Variants in PPP2R2D observed in about 807,000 individuals in gnomAD.
PPP2R2D encodes the protein serine/threonine-protein phosphatase 2A 55 kDa regulatory subunit B delta isoform.
PPP2R2D carries 9 observed loss-of-function variants against 31.1 expected under a neutral mutation model. The ratio of observed to expected loss-of-function variants is 0.29; its 90% CI spans 0.17 to 0.51. The LOEUF (loss-of-function observed/expected upper bound fraction) is 0.51, where lower values mean the gene tolerates loss of function less well. Ranked by LOEUF, PPP2R2D falls within the 20% of genes least tolerant of loss-of-function variation. The pLI, the probability that PPP2R2D is intolerant of heterozygous loss-of-function variation, is 0.98. For synonymous variants in PPP2R2D, 179 were observed against 172.6 expected (o/e 1.04, Z -0.29); for missense variants, 391 against 465.6 (o/e 0.84, Z 1.48).
chr10:131,960,432 A>G (rs191457175), downstream of PPP2R2D, among the ~76,000 whole-genome samples: 792 of 152,338 alleles, frequency 5.2e-3, 1 homozygote, highest in South Asian at 0.016. Flanking sequence ...TTTTGAAAGA[A>G]AAATGGAGCT....
At chr10:131,944,325 C>A (rs1312146412) in intron 6 of PPP2R2D, among the ~76,000 whole-genome samples, 180 bp downstream of exon 6, 1 of 152,152 alleles carries the variant, frequency 6.6e-6, no homozygotes, top group African/African-American at 2.4e-5. Flanking sequence ...ATACAAATTT[C>A]TTTCTACCTT....
chr10:131,919,951 G>A (rs28526637), intron 2 of PPP2R2D, among the ~76,000 whole-genome samples: 33,649 of 138,896 alleles, frequency 0.24, 3,603 homozygotes, highest in East Asian at 0.39. Flanking sequence ...CCTCACACGG[G>A]TGGAATGACA....
chr10:131,935,870 C>A (rs2036330345), intron 3 of PPP2R2D, among the ~76,000 whole-genome samples: 3 of 152,122 alleles, frequency 2.0e-5, no homozygotes, highest in Admixed American at 2.0e-4. Flanking sequence ...TCAAGACTAG[C>A]CTGACCAACA....
intron 8 of PPP2R2D, among the ~76,000 whole-genome samples, chr10:131,950,403 A>G (rs925155139): frequency 2.6e-5 from 4 of 152,068 alleles, no homozygotes; most frequent in Non-Finnish European, 5.9e-5. Context: ...AAATGCACCC[A>G]AGGAAAAAAC....
downstream of PPP2R2D, among the ~76,000 whole-genome samples, chr10:131,964,282 G>A (rs9419224): frequency 0.15 from 23,146 of 151,796 alleles, 1,987 homozygotes; most frequent in African/African-American, 0.22. Context: ...TTTAGTTTCC[G>A]TCGACGAATC....
At chr10:131,918,267 T>G (rs1353551222) in intron 2 of PPP2R2D, among the ~76,000 whole-genome samples, 1 of 139,392 alleles carries the variant, frequency 7.2e-6, no homozygotes, top group Non-Finnish European at 1.6e-5. Context: ...ACACAGTGTT[T>G]GTAGGGACCT....
rs781838782 is a variant in PPP2R2D at position 131,940,046 on chromosome 10, C to T, written c.214C>T (p.His72Tyr). Reference sequence around the variant, plus strand: ...TTCCTTGCAGAATAAAAGCCGCCCTCATTCTAGGGGAGAATATAATGTTTA... The same window carrying T: ...TTCCTTGCAGAATAAAAGCCGCCCTTATTCTAGGGGAGAATATAATGTTTA... ...QREQENKSRPHSRGEYNVYST... is the reference protein window; with the variant it reads ...QREQENKSRPYSRGEYNVYST... The change falls in exon 4 of 9, where the codon CAT (histidine) becomes TAT (tyrosine). Residue 72 changes from histidine to tyrosine, a missense_variant. This residue lies in a region of PPP2R2D where 105 missense variants were observed against 98.5 expected (regional missense o/e 1.07). Transcript: ENST00000455566. 1 of 750,194 alleles carries T rather than the reference C, an allele frequency of 1.3e-6. No individual in the cohort carries two copies. Among genetic ancestry groups the T allele is most frequent in the Admixed American group, 1.9e-5 (1 of 52,980 alleles). The allele number at this position is 750,194 out of a possible 1,614,324, so 46.5% of individuals were successfully genotyped here.
In PPP2R2D at chr10:131,945,411, C is replaced by T. The variant is rs782571879; in HGVS notation, c.772C>T (p.Arg258Cys). 5 of 1,614,172 alleles carry T rather than the reference C, an allele frequency of 3.1e-6. No individual in the cohort carries two copies. The highest frequency in any genetic ancestry group is 1.7e-5 in the Admixed American group (1 of 60,026). ...FVYSSSKGTI[R>C]LCDMRSSALC... The stretch of plus-strand genomic sequence containing the variant: ...CTACAGCAGTAGCAAAGGGACCATC[C>T]GCCTGTGTGACATGCGCTCCTCGGC... Residue 258 changes from arginine to cysteine, a missense_variant, in exon 7 of 9, where the codon CGC (arginine) becomes TGC (cysteine). Physicochemically the swap from Arg to Cys is radical, Grantham distance 180 (BLOSUM62 -3). Coordinates refer to ENST00000455566, the MANE Select transcript of PPP2R2D (RefSeq NM_018461.5). The surrounding 1 kb of genome is among the most constrained non-coding windows in gnomAD (Gnocchi z 4.8).
At chr10:131,938,090 G>A (rs558147432) in intron 3 of PPP2R2D, among the ~76,000 whole-genome samples, 7 of 152,254 alleles carry the variant, frequency 4.6e-5, no homozygotes, top group East Asian at 1.9e-4. Context: ...GCAGCGACGC[G>A]GGGCAGGCGA....
At chr10:131,961,002 T>C (rs1564831731), downstream of PPP2R2D, among the ~76,000 whole-genome samples, 1 of 152,002 alleles carries the variant, frequency 6.6e-6, no homozygotes, top group African/African-American at 2.4e-5. Flanking sequence ...GTCCTGTCGT[T>C]GCTGTGCTGG....
chr10:131,965,415 C>T, the PPP2R2D span, among the ~76,000 whole-genome samples: 1 of 152,294 alleles, frequency 6.6e-6, no homozygotes, highest in African/African-American at 2.4e-5. Flanking sequence ...GGGGCACAGA[C>T]CCCCATCACT....
intron 8 of PPP2R2D, among the ~76,000 whole-genome samples, chr10:131,953,087 A>C (rs530222978): frequency 1.8e-5 from 2 of 113,526 alleles, no homozygotes; most frequent in East Asian, 3.0e-4. Context: ...TGGGAGGTTC[A>C]CTGTCTTAGC....
chr10:131,927,203 A>G (rs1407614907), intron 2 of PPP2R2D, among the ~76,000 whole-genome samples: 1 of 151,560 alleles, frequency 6.6e-6, no homozygotes, highest in African/African-American at 2.4e-5. Flanking sequence ...TTGAGGGGAG[A>G]GGAGAGGTGT....
rs2036811631 is a variant in PPP2R2D at position 131,957,045 on chromosome 10, G to A, written c.*1082G>A. Reference sequence around the variant, plus strand: ...TTTCAAAGTAGGATCTTTGATACCAGAAATCAAGATTTTCCAAGACAAATA... The same window carrying A: ...TTTCAAAGTAGGATCTTTGATACCAAAAATCAAGATTTTCCAAGACAAATA... On this transcript the variant is annotated 3_prime_UTR_variant, in exon 9 of 9. Transcript: ENST00000455566. 2 of 152,274 alleles carry A rather than the reference G, an allele frequency of 1.3e-5. No homozygotes were observed. The highest frequency in any genetic ancestry group is 2.9e-5 in the Non-Finnish European group (2 of 68,078). 9.4% of individuals were successfully genotyped at this position (152,274 alleles called of 1,614,324 possible). A position where few individuals can be genotyped will look rare whatever the true frequency, so the allele number is the denominator to read the frequency against.
At chr10:131,913,183 A>ATTT (rs2035712187) in intron 2 of PPP2R2D, among the ~76,000 whole-genome samples, 1 of 112,892 alleles carries the variant, frequency 8.9e-6, no homozygotes, top group African/African-American at 3.2e-5. Context: ...ATGCCCGGCT[A>ATTT]ATTTTTTTTT....
At chr10:131,909,795 T>C (rs1322236261) in intron 2 of PPP2R2D, among the ~76,000 whole-genome samples, 3 of 152,232 alleles carry the variant, frequency 2.0e-5, no homozygotes, top group African/African-American at 7.2e-5. Context: ...GCTGTTGATG[T>C]TTTCTATATT....
At chr10:131,964,788 T>C (rs2036959155), downstream of PPP2R2D, among the ~76,000 whole-genome samples, 1 of 151,826 alleles carries the variant, frequency 6.6e-6, no homozygotes, top group Non-Finnish European at 1.5e-5. Context: ...ACAGTGAGGT[T>C]CCCTTACTGT....
intron 2 of PPP2R2D, among the ~76,000 whole-genome samples, chr10:131,921,230 A>C (rs531068091): frequency 6.6e-6 from 1 of 152,224 alleles, no homozygotes; most frequent in African/African-American, 2.4e-5. Context: ...TTGCATGTCT[A>C]GATCTGCCAC....
intron 2 of PPP2R2D, among the ~76,000 whole-genome samples, chr10:131,915,259 G>A (rs140373624): frequency 3.9e-5 from 6 of 152,118 alleles, no homozygotes; most frequent in Non-Finnish European, 7.4e-5. Flanking sequence ...TGCCTTACGT[G>A]TACCAGTGCG....
Sources: allele counts gnomAD v4.1 joint callset (sites outside exome capture counted in the v4.1 genomes callset), GRCh38; gene constraint gnomAD v4.1.1; regional missense constraint gnomAD v4.1.1; non-coding constraint Gnocchi (gnomAD v3.1); transcripts MANE v1.5; gene names NCBI Gene and HGNC (gene_info 2026-07-23, HGNC 2026-07-21).